The following EML5 variants were observed in gnomAD, a reference collection of about 807,000 sequenced individuals.
EML5 encodes echinoderm microtubule-associated protein-like 5.
EML5 carries 120 observed loss-of-function variants against 250.0 expected under a neutral mutation model. That is an observed-to-expected ratio of 0.48 (90% CI 0.41 to 0.56). The LOEUF (loss-of-function observed/expected upper bound fraction) is 0.56, where lower values mean the gene tolerates loss of function less well. EML5 is among the 20% of genes least tolerant of loss of function. EML5 has a pLI of 0.00. For missense variants in EML5, 2,006 were observed against 2,437.6 expected (o/e 0.82, Z 3.73); for synonymous variants, 771 against 806.5 (o/e 0.96, Z 0.75).
chr14:88,771,604 T>A (rs1237010130), intron 1 of EML5, among the ~76,000 whole-genome samples: 1 of 152,218 alleles, frequency 6.6e-6, no homozygotes, highest in Non-Finnish European at 1.5e-5. Flanking sequence ...AGGTGTCTCA[T>A]CTTTTTCACT....
chr14:88,624,730 A>G (rs1595237760), intron 36 of EML5: 1 of 467,416 alleles, frequency 2.1e-6, no homozygotes, highest in East Asian at 4.0e-5. Context: ...AACTTGTAGG[A>G]CAACTACCTA....
intron 10 of EML5, among the ~76,000 whole-genome samples, chr14:88,710,992 G>C (rs774261844): frequency 1.3e-5 from 2 of 152,072 alleles, no homozygotes; most frequent in Non-Finnish European, 2.9e-5. Context: ...GAAGATTAAA[G>C]CATTTTTGTT....
intron 7 of EML5, 35 bp from the exon 8 acceptor site, chr14:88,726,713 G>C (rs1298659983): frequency 2.8e-6 from 4 of 1,449,178 alleles, no homozygotes; most frequent in Non-Finnish European, 3.7e-6. Flanking sequence ...AAAAAGGTTA[G>C]CTAATGCATA....
chr14:88,639,974 G>C (rs917007306), intron 31 of EML5, among the ~76,000 whole-genome samples: 1 of 152,160 alleles, frequency 6.6e-6, no homozygotes, highest in African/African-American at 2.4e-5. Flanking sequence ...AGTAGTCCAT[G>C]CAGAAGGGAA....
intron 22 of EML5, among the ~76,000 whole-genome samples, chr14:88,664,974 C>T (rs1469646229): frequency 6.6e-6 from 1 of 152,036 alleles, no homozygotes; most frequent in Non-Finnish European, 1.5e-5. Flanking sequence ...TGCTACATTA[C>T]AGTAGGTTTG....
intron 1 of EML5, among the ~76,000 whole-genome samples, chr14:88,786,287 T>C (rs2094550376): frequency 6.6e-6 from 1 of 152,182 alleles, no homozygotes; most frequent in African/African-American, 2.4e-5. Flanking sequence ...ACTATACATA[T>C]ATACATGCAT....
chr14:88,738,008 T>C (rs892023502), intron 6 of EML5, among the ~76,000 whole-genome samples: 1 of 152,202 alleles, frequency 6.6e-6, no homozygotes, highest in Non-Finnish European at 1.5e-5. Flanking sequence ...TTAGGAAAGC[T>C]ACCGTGTTTT....
At chr14:88,665,209 A>T in intron 22 of EML5, 128 bp downstream of exon 22, 1 of 996,918 alleles carries the variant, frequency 1.0e-6, no homozygotes, top group Non-Finnish European at 1.4e-6. Context: ...ACCTCTTGCT[A>T]CACTGCCTCT....
rs58676323 is a variant in EML5, at chr14:88,759,685, T to TAAAAAAAAAAAAAA, written c.198-5028_198-5015dup. Among the ~76,000 whole-genome samples the TAAAAAAAAAAAAAA allele has an allele frequency of 1.4e-3, 128 of 92,846 alleles. 9 individuals carry two copies. Among genetic ancestry groups the TAAAAAAAAAAAAAA allele is most frequent in the African/African-American group, 6.7e-3 (120 of 18,022 alleles). The allele number at this position is 92,846 out of a possible 152,430, so 60.9% of individuals were successfully genotyped here. ...AGTGACAGGGCAAGTCACCATCTCT[T>TAAAAAAAAAAAAAA]AAAAAAAAAAAAAAAAAAACTGGGG... On this transcript the variant is annotated intron_variant, in intron 1 of 43. Transcript: ENST00000554922.
At chr14:88,701,223 G>A (rs1299292830) in intron 14 of EML5, among the ~76,000 whole-genome samples, 2 of 152,142 alleles carry the variant, frequency 1.3e-5, no homozygotes, top group African/African-American at 4.8e-5. Context: ...ACAACTCAGG[G>A]AAGTGGGTGT....
rs768358354 is a variant in EML5, at chr14:88,704,884, C to G, written c.2027G>C (p.Ser676Thr). 6.2e-7 allele frequency: 1 copy of G among 1,612,884 alleles called. No individual in the cohort carries two copies. Among genetic ancestry groups the G allele is most frequent in the African/African-American group, 1.3e-5 (1 of 75,006 alleles). The change falls in exon 13 of 44, where the codon AGT (serine) becomes ACT (threonine). Residue 676 changes from serine (S) to threonine (T), a missense_variant. Physicochemically the swap from Ser to Thr is moderately conservative, Grantham distance 58. Coordinates refer to ENST00000554922, the MANE Select transcript of EML5 (RefSeq NM_183387.3). ...CCCGTGAACAAAGTGTAATCGAATA[C>G]TATTTCCTGGAGCCCGCTCTCTTCT... ...SKRRERAPGN[S>T]IRLHFVHGYR...
At chr14:88,751,241 C>A (rs2094089751) in intron 2 of EML5, among the ~76,000 whole-genome samples, 1 of 152,152 alleles carries the variant, frequency 6.6e-6, no homozygotes, top group Non-Finnish European at 1.5e-5. Flanking sequence ...TTTACTTTAT[C>A]ATTTCTTTTA....
chr14:88,725,360 C>G (rs930796675), intron 8 of EML5, among the ~76,000 whole-genome samples: 3 of 151,846 alleles, frequency 2.0e-5, no homozygotes, highest in African/African-American at 7.3e-5. Context: ...AAACCGGTCT[C>G]GGAAAGGGGA....
intron 10 of EML5, among the ~76,000 whole-genome samples, chr14:88,709,347 T>C (rs2093367873): frequency 6.6e-6 from 1 of 150,798 alleles, no homozygotes; most frequent in Admixed American, 6.6e-5. Flanking sequence ...ATTTGCAAAC[T>C]ATAAAAATTA....
chr14:88,722,627 G>A (rs1238791260), intron 8 of EML5, among the ~76,000 whole-genome samples: 3 of 152,012 alleles, frequency 2.0e-5, no homozygotes, highest in African/African-American at 4.8e-5. Context: ...GGGGTGAGGG[G>A]AGGGGGAGCA....
At chr14:88,707,761 A>G (rs1386321035) in intron 10 of EML5, among the ~76,000 whole-genome samples, 1 of 152,124 alleles carries the variant, frequency 6.6e-6, no homozygotes, top group East Asian at 1.9e-4. Context: ...GTAGCTTAAT[A>G]TAAGTCACTA....
intron 7 of EML5, among the ~76,000 whole-genome samples, chr14:88,736,003 CTTTT>C (rs11321542): frequency 3.3e-5 from 4 of 122,138 alleles, no homozygotes; most frequent in Admixed American, 8.3e-5. Context: ...TTTTTTCTTT[CTTTT>C]TTTTTTTTTT....
chr14:88,749,795 G>A (rs887741623), intron 2 of EML5, among the ~76,000 whole-genome samples: 2 of 152,066 alleles, frequency 1.3e-5, no homozygotes, highest in Non-Finnish European at 2.9e-5. Flanking sequence ...GTAACAGAAT[G>A]TTATCCAGAA....
At chr14:88,780,056 A>C (rs1421851912) in intron 1 of EML5, among the ~76,000 whole-genome samples, 1 of 151,994 alleles carries the variant, frequency 6.6e-6, no homozygotes, top group Non-Finnish European at 1.5e-5. Context: ...GGTTCAAGAG[A>C]TTCTCCTGCC....
Sources: allele counts gnomAD v4.1 joint callset (sites outside exome capture counted in the v4.1 genomes callset), GRCh38; gene constraint gnomAD v4.1.1; transcripts MANE v1.5; gene names NCBI Gene and HGNC (gene_info 2026-07-23, HGNC 2026-07-21).